The following RBL1 variants were observed in gnomAD, a reference collection of about 807,000 sequenced individuals.
The protein encoded by RBL1 is retinoblastoma-like protein 1.
A neutral mutation model predicts 123.0 loss-of-function variants in RBL1; 82 were observed. The observed-to-expected ratio is 0.67, with a 90% CI of 0.56 to 0.80. The LOEUF is 0.80. RBL1 is among the 30% of genes least tolerant of loss of function. The pLI, the probability that RBL1 is intolerant of heterozygous loss-of-function variation, is 0.00. For missense variants in RBL1, 1,171 were observed against 1,299.6 expected (o/e 0.90, Z 1.52); for synonymous variants, 405 against 441.3 (o/e 0.92, Z 1.03).
intron 11 of RBL1, among the ~76,000 whole-genome samples, chr20:37,050,031 C>T (rs1404116418): frequency 6.9e-6 from 1 of 144,398 alleles, no homozygotes; most frequent in African/African-American, 2.6e-5. Context: ...CATTGCACTC[C>T]AGCCTGGGCA....
rs758305115 is a variant in RBL1, at chr20:37,022,760, G to A, written c.2449C>T (p.Arg817Ter). The A allele has an allele frequency of 8.1e-6, 13 of 1,613,578 alleles. No individual in the cohort carries two copies. Among genetic ancestry groups the A allele is most frequent in the East Asian group, 4.5e-5 (2 of 44,894 alleles). ...CLKLDVSNEL[R>*]RKIWTCFEFT... The stretch of plus-strand genomic sequence containing the variant: ...TCAAAACACGTCCATATCTTCCTTC[G>A]TAACTCATTTGAAACATCCAGTTTT... The change falls in exon 17 of 22, where the codon CGA becomes TGA. Residue 817 changes from arginine (R) to a stop codon, truncating the protein, a stop_gained. Transcript: ENST00000373664. LOFTEE classifies it high-confidence loss of function.
intron 14 of RBL1, among the ~76,000 whole-genome samples, chr20:37,039,947 T>C (rs1391074111): frequency 6.6e-6 from 1 of 152,100 alleles, no homozygotes; most frequent in African/African-American, 2.4e-5. Flanking sequence ...CATTTAAAAT[T>C]CTATTAATAT....
chr20:37,058,151 A>AAAAAAAAC (rs2065043467), intron 9 of RBL1, among the ~76,000 whole-genome samples: 2 of 150,458 alleles, frequency 1.3e-5, no homozygotes, highest in Non-Finnish European at 3.0e-5. Flanking sequence ...AAAAAAAAAA[A>AAAAAAAAC]AGCCTATTCC....
chr20:37,072,508 A>G (rs2065298233), intron 2 of RBL1, among the ~76,000 whole-genome samples: 1 of 152,238 alleles, frequency 6.6e-6, no homozygotes, highest in Admixed American at 6.5e-5. Context: ...GTCTTAAAAA[A>G]AAAAGACTGT....
chr20:37,001,660 G>C (rs1209125215), intron 21 of RBL1, among the ~76,000 whole-genome samples: 2 of 146,140 alleles, frequency 1.4e-5, no homozygotes, highest in Non-Finnish European at 3.0e-5. Context: ...GAAAACCAGA[G>C]ACCTTTGTTC....
intron 1 of RBL1, among the ~76,000 whole-genome samples, chr20:37,091,346 G>A (rs907873025): frequency 6.8e-6 from 1 of 148,018 alleles, no homozygotes; most frequent in African/African-American, 2.5e-5. Flanking sequence ...CAACGGGAGT[G>A]AGACTCCATC....
chr20:37,007,971 A>G (rs1004992400), intron 19 of RBL1, among the ~76,000 whole-genome samples: 1 of 152,336 alleles, frequency 6.6e-6, no homozygotes, highest in East Asian at 1.9e-4. Flanking sequence ...ATCTTTATGT[A>G]GAGAAATTAA....
chr20:37,083,460 C>G (rs1303713718), intron 2 of RBL1, among the ~76,000 whole-genome samples: 1 of 146,846 alleles, frequency 6.8e-6, no homozygotes, highest in East Asian at 2.0e-4. Context: ...CAAGGTGAGA[C>G]CCTGTCTCAA....
In RBL1 at chr20:37,035,237, G is replaced by A. The variant is rs140439904; in HGVS notation, c.2170+5C>T. 1.8e-5 allele frequency: 29 copies of A among 1,608,936 alleles called. No individual in the cohort carries two copies. Among genetic ancestry groups the A allele is most frequent in the East Asian group, 1.3e-4 (6 of 44,742 alleles). Reference sequence around the variant, plus strand: ...AAGTACAAAACAAATGCACTATAACGTTACCATGTAATGGAATTGTAACTT... The same window carrying A: ...AAGTACAAAACAAATGCACTATAACATTACCATGTAATGGAATTGTAACTT... On this transcript the variant is annotated splice_donor_5th_base_variant and intron_variant, in intron 15 of 21. Transcript: ENST00000373664.
intron 16 of RBL1, among the ~76,000 whole-genome samples, chr20:37,030,162 T>A (rs773492877): frequency 1.1e-4 from 16 of 152,192 alleles, no homozygotes; most frequent in Admixed American, 3.3e-4. Context: ...AAGTTGGAGG[T>A]CTCACACCTC....
intron 2 of RBL1, among the ~76,000 whole-genome samples, chr20:37,083,425 C>T (rs1410561054): frequency 1.3e-5 from 2 of 150,704 alleles, no homozygotes; most frequent in East Asian, 2.0e-4. Flanking sequence ...GCAGAGATCG[C>T]GACAATGCAC....
chr20:37,021,022 C>G (rs1741264882), intron 17 of RBL1, among the ~76,000 whole-genome samples: 1 of 152,164 alleles, frequency 6.6e-6, no homozygotes, highest in Non-Finnish European at 1.5e-5. Flanking sequence ...TATAAGAAAA[C>G]TCAGATCTGT....
chr20:37,078,479 C>A (rs1276821042), intron 2 of RBL1, among the ~76,000 whole-genome samples: 1 of 152,192 alleles, frequency 6.6e-6, no homozygotes, highest in African/African-American at 2.4e-5. Context: ...TAACGGGAGT[C>A]TACCAATGGG....
chr20:37,000,405 C>A (rs2063951019), intron 21 of RBL1, among the ~76,000 whole-genome samples: 1 of 118,478 alleles, frequency 8.4e-6, no homozygotes, highest in Non-Finnish European at 1.9e-5. Flanking sequence ...CCGCCCCATC[C>A]AGGAGGGAGG....
intron 11 of RBL1, among the ~76,000 whole-genome samples, chr20:37,048,829 T>C (rs1164836284): frequency 6.8e-6 from 1 of 148,088 alleles, no homozygotes; most frequent in Non-Finnish European, 1.5e-5. Flanking sequence ...CTTGGGAAAC[T>C]GGGGCAGGAG....
intron 16 of RBL1, among the ~76,000 whole-genome samples, chr20:37,029,194 G>T (rs746576476): frequency 1.3e-5 from 2 of 152,108 alleles, no homozygotes; most frequent in Admixed American, 1.3e-4. Context: ...GGAAGAGAAG[G>T]AAACTACCTA....
At position 37,002,336 on chromosome 20, in the gene RBL1, G is replaced by GTTTTTTTTTTTTTTTTTTTTTTTT. The variant is rs965408801; in HGVS notation, c.3036+1342_3036+1365dup. On this transcript the variant is annotated intron_variant, in intron 21 of 21. Transcript: ENST00000373664. ...TGAGCCACCGTGCCTAGCCTTATCT[G>GTTTTTTTTTTTTTTTTTTTTTTTT]TTTTTTTTTTTTTTTTTTTTTTTTG... 2.8e-4 allele frequency among the ~76,000 whole-genome samples: 21 copies of GTTTTTTTTTTTTTTTTTTTTTTTT among 76,350 alleles called. 1 individual carries two copies. Among genetic ancestry groups the GTTTTTTTTTTTTTTTTTTTTTTTT allele is most frequent in the East Asian group, 6.9e-4 (1 of 1,440 alleles). 50.1% of individuals were successfully genotyped at this position (76,350 alleles called of 152,430 possible).
chr20:37,090,812 T>C (rs1191136142), intron 1 of RBL1, among the ~76,000 whole-genome samples: 1 of 152,232 alleles, frequency 6.6e-6, no homozygotes, highest in Middle Eastern at 3.2e-3. Flanking sequence ...TAGTAATTAT[T>C]TGTGTATCTA....
In RBL1 at chr20:37,041,780, T is replaced by A. The variant is rs573656911; in HGVS notation, c.1771-1495A>T. Among the ~76,000 whole-genome samples, 4 of 151,800 alleles carry A rather than the reference T, an allele frequency of 2.6e-5. No homozygotes were observed. In the South Asian group the frequency reaches 8.3e-4, roughly 31 times the overall value. ...TATCTGAATTGGACACCATCAAAAT[T>A]AAAAATTTTTGCATTTCAAAGACAC... On this transcript the variant is annotated intron_variant, in intron 13 of 21. Coordinates refer to ENST00000373664, the MANE Select transcript of RBL1 (RefSeq NM_002895.5).
Sources: allele counts gnomAD v4.1 joint callset (sites outside exome capture counted in the v4.1 genomes callset), GRCh38; gene constraint gnomAD v4.1.1; transcripts MANE v1.5; gene names NCBI Gene and HGNC (gene_info 2026-07-23, HGNC 2026-07-21).